AMACR: variants seen among roughly 807,000 people sequenced by gnomAD.
AMACR encodes the protein 2-methylacyl-CoA racemase.
In AMACR, 18 loss-of-function variants were observed where a neutral mutation model predicts 22.2. The observed-to-expected ratio is 0.81, with a 90% confidence interval of 0.56 to 1.20. The LOEUF is 1.20. Among genes scored for constraint, AMACR ranks in the 50% most tolerant of loss-of-function variants. The pLI is 0.00. For missense variants in AMACR, 499 were observed against 490.6 expected (o/e 1.02, Z -0.16); for synonymous variants, 213 against 191.3 (o/e 1.11, Z -0.94).
chr5:33,995,010 T>C lies in AMACR; in HGVS notation c.739+3631A>G, dbSNP rs117298105. ...GGTTTCAGTTACCCACAGTCAACCA[T>C]GGTCTGAAAATACTGAATGAAAAAT... On this transcript the variant is annotated intron_variant, in intron 4 of 4. Transcript: ENST00000335606. 9.6e-4 allele frequency among the ~76,000 whole-genome samples: 146 copies of C among 152,336 alleles called. 2 individuals are homozygous for C. In the East Asian group the frequency reaches 0.021, roughly 22 times the overall value.
At position 33,986,588 on chromosome 5, in the gene AMACR, AT is replaced by A. The variant is rs1217372786; in HGVS notation, c.*2504del. 2 of 152,246 alleles carry A rather than the reference AT, an allele frequency of 1.3e-5. No homozygotes were observed. Among genetic ancestry groups the A allele is most frequent in the South Asian group, 4.1e-4 (2 of 4,830 alleles). The allele number at this position is 152,246 out of a possible 1,614,324, so 9.4% of individuals were successfully genotyped here. A position where few individuals can be genotyped will look rare whatever the true frequency, so the allele number is the denominator to read the frequency against. On this transcript the variant is annotated 3_prime_UTR_variant, in exon 5 of 5. Coordinates refer to ENST00000335606, the MANE Select transcript of AMACR (RefSeq NM_014324.6). ...GGTGCTCTTTATCTTATGGGGCTAC[AT>A]TTCCAGGGTTCCCTTGTTTTCTGGC...
chr5:33,996,366 G>A (rs1753636030), intron 4 of AMACR, among the ~76,000 whole-genome samples: 1 of 152,216 alleles, frequency 6.6e-6, no homozygotes, highest in Non-Finnish European at 1.5e-5. Flanking sequence ...ACGCAGGGCA[G>A]TATGAATGCC....
chr5:34,005,477 C>G (rs1454545595), intron 2 of AMACR, among the ~76,000 whole-genome samples: 1 of 152,110 alleles, frequency 6.6e-6, no homozygotes, highest in Non-Finnish European at 1.5e-5. Context: ...CCTCTTAATT[C>G]CTAGCAGGGG....
chr5:33,987,532 A>G lies in AMACR; in HGVS notation c.*1561T>C, dbSNP rs971322712. ...TCAACATCTGTCAGACATCACGTGA[A>G]CTACTAGTGAGGTAGTTCATTCTTT... is the stretch of plus-strand genomic sequence containing the variant. On this transcript the variant is annotated 3_prime_UTR_variant, in exon 5 of 5. Transcript: ENST00000335606. 7.9e-5 allele frequency: 12 copies of G among 152,262 alleles called. No homozygotes were observed. The highest frequency in any genetic ancestry group is 1.6e-4 in the Non-Finnish European group (11 of 68,046). 9.4% of individuals were successfully genotyped at this position (152,262 alleles called of 1,614,324 possible). A position where few individuals can be genotyped will look rare whatever the true frequency, so the allele number is the denominator to read the frequency against.
chr5:34,006,264 C>CA (rs1338074496), intron 1 of AMACR, among the ~76,000 whole-genome samples: 2 of 152,300 alleles, frequency 1.3e-5, no homozygotes, highest in African/African-American at 4.8e-5. Context: ...TACATGCATA[C>CA]ACTTATCTTC....
At chr5:34,003,224 T>C (rs1753871540) in intron 3 of AMACR, among the ~76,000 whole-genome samples, 1 of 152,194 alleles carries the variant, frequency 6.6e-6, no homozygotes, top group African/African-American at 2.4e-5. Flanking sequence ...CATAGTCTCA[T>C]ATGGCTCCCA....
chr5:33,997,245 C>T (rs761297796), intron 4 of AMACR: 2 of 770,252 alleles, frequency 2.6e-6, no homozygotes, highest in Non-Finnish European at 4.8e-6. Context: ...CTTCTTGATC[C>T]TTTCTTTATT....
chr5:34,001,402 T>A (rs1287357685), intron 3 of AMACR, among the ~76,000 whole-genome samples: 2 of 152,240 alleles, frequency 1.3e-5, no homozygotes, highest in African/African-American at 4.8e-5. Context: ...AGTGGGCCTT[T>A]GCCTTGTTTG....
In AMACR at chr5:33,989,360, C is replaced by G; in HGVS notation, c.882G>C (p.Val294=). 6.2e-7 allele frequency: 1 copy of G among 1,614,180 alleles called. No individual in the cohort carries two copies. The highest frequency in any genetic ancestry group is 8.5e-7 in the Non-Finnish European group (1 of 1,180,044). ...CCTCCTCAAAAGTCAGAACCGGAGT[C>G]ACACAGGCATCTGTGCCGTCAAAGA... ...CQIFDGTDAC[V]TPVLTFEEVV... is the part of the protein sequence containing the mutation. The change falls in exon 5 of 5, where the codon GTG becomes GTC. Residue 294 remains valine (V), a synonymous_variant. Transcript: ENST00000335606.
Position 33,989,308 on chromosome 5 carries a change from G to C in AMACR, c.934C>G (p.Arg312Gly). ...TCCTCACTGGTGATAAACGAGCCCC[G>C]TTCCTTGTTGTGATCATGATGAACA... ...EVVHHDHNKE[R>G]GSFITSEEQD... Residue 312 changes from arginine to glycine, a missense_variant, in exon 5 of 5, where the codon CGG (arginine) becomes GGG (glycine). By Grantham distance (125) the Arg-to-Gly change is moderately radical. Coordinates refer to ENST00000335606, the MANE Select transcript of AMACR (RefSeq NM_014324.6). 6.2e-7 allele frequency: 1 copy of C among 1,614,138 alleles called. No homozygotes were observed. The highest frequency in any genetic ancestry group is 1.1e-5 in the South Asian group (1 of 91,086).
chr5:33,989,031 T>C lies in AMACR; in HGVS notation c.*62A>G. The C allele has an allele frequency of 6.2e-7, 1 of 1,609,600 alleles. No individual in the cohort carries two copies. Among genetic ancestry groups the C allele is most frequent in the Non-Finnish European group, 8.5e-7 (1 of 1,178,110 alleles). ...CCTCCATGTTTCCATGCATACAATGTTATGTGTTACTCTACACTGTAAATG... is the reference window on the plus strand; with the variant it reads ...CCTCCATGTTTCCATGCATACAATGCTATGTGTTACTCTACACTGTAAATG... On this transcript the variant is annotated 3_prime_UTR_variant, in exon 5 of 5. Coordinates refer to ENST00000335606, the MANE Select transcript of AMACR (RefSeq NM_014324.6).
intron 3 of AMACR, among the ~76,000 whole-genome samples, chr5:33,999,216 A>G (rs780721328): frequency 6.6e-6 from 1 of 152,244 alleles, no homozygotes. Context: ...AGAGCTTTTA[A>G]AAATCCATCT....
Position 33,988,338 on chromosome 5 carries a change from T to C in AMACR, c.*755A>G, listed in dbSNP as rs767344506. On this transcript the variant is annotated 3_prime_UTR_variant, in exon 5 of 5. Transcript: ENST00000335606. The stretch of plus-strand genomic sequence containing the variant: ...TCTGGATGTTGCTGTGTGTTGGGTA[T>C]AAGATCCAGAACTTGCTACCAGCCT... The C allele has an allele frequency of 1.9e-6, 3 of 1,541,890 alleles. No homozygotes were observed.
rs761443460 is a variant in AMACR, at chr5:33,998,765, T to C, written c.615A>G (p.Glu205=). The C allele has an allele frequency of 1.9e-6, 3 of 1,614,098 alleles. No individual in the cohort carries two copies. Among genetic ancestry groups the C allele is most frequent in the Non-Finnish European group, 1.7e-6 (2 of 1,180,012 alleles). The part of the protein sequence containing the change: ...LWKTQKLSLW[E]APRGQNMLDG... ...CCAACATGTTCTGTCCTCGAGGTGC[T>C]TCCCACAGACTCAATTTCTGAGTTT... Residue 205 remains glutamate (E), a synonymous_variant, in exon 4 of 5, where the codon GAA becomes GAG. Transcript: ENST00000335606.
At chr5:34,007,310 C>T (rs1754010876) in intron 1 of AMACR, among the ~76,000 whole-genome samples, 2 of 152,156 alleles carry the variant, frequency 1.3e-5, no homozygotes, top group South Asian at 4.1e-4. Context: ...AGACTTAGAA[C>T]GCCAGCATTT....
Position 33,988,887 on chromosome 5 carries a change from C to A in AMACR, c.*206G>T. 1 of 1,396,470 alleles carries A rather than the reference C, an allele frequency of 7.2e-7. No homozygotes were observed. Among genetic ancestry groups the A allele is most frequent in the Non-Finnish European group, 9.3e-7 (1 of 1,079,968 alleles). 86.5% of individuals were successfully genotyped at this position (1,396,470 alleles called of 1,614,324 possible). A position where few individuals can be genotyped will look rare whatever the true frequency, so the allele number is the denominator to read the frequency against. On this transcript the variant is annotated 3_prime_UTR_variant, in exon 5 of 5. Coordinates refer to ENST00000335606, the MANE Select transcript of AMACR (RefSeq NM_014324.6). ...AACTACCATAATTTAGTATAAGTACCCAAAGTTTTATAAATCAAAAGCCCT... is the reference window on the plus strand; with the variant it reads ...AACTACCATAATTTAGTATAAGTACACAAAGTTTTATAAATCAAAAGCCCT...
chr5:33,995,826 A>G (rs1257331914), intron 4 of AMACR, among the ~76,000 whole-genome samples: 1 of 152,230 alleles, frequency 6.6e-6, no homozygotes, highest in Non-Finnish European at 1.5e-5. Context: ...AATTCTGGAA[A>G]TTAAAAGCTT....
intron 4 of AMACR, among the ~76,000 whole-genome samples, chr5:33,998,372 A>G (rs1329293910): frequency 1.3e-5 from 2 of 152,130 alleles, no homozygotes; most frequent in African/African-American, 2.4e-5. Context: ...ATTATCCAAC[A>G]CAAGGAGTGA....
rs562517543 is a variant in AMACR at position 34,006,567 on chromosome 5, C to T, written c.248-668G>A. Among the ~76,000 whole-genome samples, 3 of 152,324 alleles carry T rather than the reference C, an allele frequency of 2.0e-5. No homozygotes were observed. The East Asian group carries it at 5.8e-4, about 29-fold the overall frequency. On this transcript the variant is annotated intron_variant, in intron 1 of 4. Transcript: ENST00000335606. ...AAATAAATCACAGAAAACCTCTAGT[C>T]ATCTACCTAAACACCAGTCACAACT...
Sources: gnomAD v4.1 joint callset for allele counts (sites outside exome capture counted in the v4.1 genomes callset) on GRCh38, gnomAD v4.1.1 for gene constraint, MANE v1.5 for transcripts, NCBI Gene and HGNC (gene_info 2026-07-23, HGNC 2026-07-21) for gene names.